PAX5: variants seen among roughly 807,000 people sequenced by gnomAD.
PAX5 encodes the protein paired box 5.
A neutral mutation model predicts 43.7 loss-of-function variants in PAX5; 9 were observed. That is an observed-to-expected ratio of 0.21 (90% CI 0.12 to 0.36). PAX5 has a LOEUF of 0.36. Ranked by LOEUF, PAX5 falls within the 10% of genes least tolerant of loss-of-function variation. PAX5 has a pLI of 1.00. For missense variants in PAX5, 383 were observed against 532.7 expected (o/e 0.72, Z 2.77); for synonymous variants, 228 against 214.3 (o/e 1.06, Z -0.56).
intron 7 of PAX5, among the ~76,000 whole-genome samples, chr9:36,899,159 GCAGAGTCCTGGCAGGCGC>G (rs1828145600): frequency 6.6e-6 from 1 of 152,108 alleles, no homozygotes; most frequent in South Asian, 2.1e-4. Flanking sequence ...AAATGTTGCC[GCAGAGTCCTGGCAGGCGC>G]CAGGCAAATG....
At chr9:36,996,918 A>T (rs778658916) in intron 5 of PAX5, among the ~76,000 whole-genome samples, 2 of 152,162 alleles carry the variant, frequency 1.3e-5, no homozygotes, top group Non-Finnish European at 2.9e-5. Context: ...TGTGTGTGTG[A>T]GAGAGAGTAT....
chr9:36,976,211 T>C (rs73438910), intron 5 of PAX5, among the ~76,000 whole-genome samples: 8 of 152,324 alleles, frequency 5.3e-5, no homozygotes, highest in African/African-American at 1.9e-4. Context: ...TGGCAGCATA[T>C]ACCAAAAAGA....
chr9:36,869,979 GATAA>G (rs59487098), intron 8 of PAX5, among the ~76,000 whole-genome samples: 28 of 72,566 alleles, frequency 3.9e-4, no homozygotes, highest in Non-Finnish European at 4.1e-4. Context: ...TGGATGGATG[GATAA>G]ATGGATGGAT....
At chr9:36,924,941 G>C (rs1401398701) in intron 6 of PAX5, among the ~76,000 whole-genome samples, 1 of 150,602 alleles carries the variant, frequency 6.6e-6, no homozygotes, top group African/African-American at 2.4e-5. Flanking sequence ...CGCTGGCATT[G>C]CTGATGGAGG....
Position 36,917,105 on chromosome 9 carries a change from A to G in PAX5, c.910+6250T>C, listed in dbSNP as rs369021786. Among the ~76,000 whole-genome samples, 8 of 152,316 alleles carry G rather than the reference A, an allele frequency of 5.3e-5. No individual in the cohort carries two copies. The East Asian group carries it at 7.7e-4, about 15-fold the overall frequency. On this transcript the variant is annotated intron_variant, in intron 7 of 9. Coordinates refer to ENST00000358127, the MANE Select transcript of PAX5 (RefSeq NM_016734.3). Reference sequence around the variant, plus strand: ...ATTTTGACTTAGGCCTGGGATGTTTATATTTTTTTCTGCTCTATAATGAGA... The same window carrying G: ...ATTTTGACTTAGGCCTGGGATGTTTGTATTTTTTTCTGCTCTATAATGAGA...
intron 4 of PAX5, among the ~76,000 whole-genome samples, chr9:37,004,404 T>A (rs2132411376): frequency 6.6e-6 from 1 of 152,324 alleles, no homozygotes; most frequent in Non-Finnish European, 1.5e-5. Context: ...CCTTGGGCTA[T>A]AACCAGCTGG....
chr9:37,006,824 T>C (rs1298272760), intron 3 of PAX5, among the ~76,000 whole-genome samples: 1 of 152,214 alleles, frequency 6.6e-6, no homozygotes, highest in East Asian at 1.9e-4. Context: ...AGAAAGAGGA[T>C]GATGTGTTAA....
intron 7 of PAX5, among the ~76,000 whole-genome samples, chr9:36,911,266 A>G (rs1287417838): frequency 1.3e-5 from 2 of 152,222 alleles, no homozygotes; most frequent in South Asian, 2.1e-4. Context: ...GGCCTGGCAC[A>G]GAGCGAGAGC....
At chr9:36,848,805 G>T (rs554836139) in intron 8 of PAX5, among the ~76,000 whole-genome samples, 21 of 152,296 alleles carry the variant, frequency 1.4e-4, no homozygotes, top group Middle Eastern at 3.4e-3. Flanking sequence ...CAGATCTCCA[G>T]CCCCACAAAG....
chr9:36,981,906 G>T (rs910269384), intron 5 of PAX5, among the ~76,000 whole-genome samples: 1 of 152,246 alleles, frequency 6.6e-6, no homozygotes, highest in African/African-American at 2.4e-5. Context: ...TGCACAGTGA[G>T]CACCTCCTAA....
In PAX5 at chr9:37,015,302, C is replaced by A; in HGVS notation, c.213-108G>T. The A allele has an allele frequency of 1.1e-6, 1 of 890,308 alleles. No individual in the cohort carries two copies. Among genetic ancestry groups the A allele is most frequent in the Non-Finnish European group, 1.8e-6 (1 of 558,548 alleles). 55.2% of individuals were successfully genotyped at this position (890,308 alleles called of 1,614,324 possible). On this transcript the variant is annotated intron_variant, in intron 2 of 9. Transcript: ENST00000358127. The surrounding 1 kb of genome is among the most constrained non-coding windows in gnomAD (Gnocchi z 4.4). ...AGGAAACGTCCGGATCTGCACGTTC[C>A]AATACAGTAGCCACCAGCCAGATGC... is the stretch of plus-strand genomic sequence containing the variant.
At chr9:37,009,232 G>T (rs900384548) in intron 3 of PAX5, among the ~76,000 whole-genome samples, 2 of 152,166 alleles carry the variant, frequency 1.3e-5, no homozygotes, top group African/African-American at 4.8e-5. Flanking sequence ...CAGTGTACAG[G>T]CTCTGGAACT....
Position 36,848,085 on chromosome 9 carries a change from G to A in PAX5, c.1013-1156C>T, listed in dbSNP as rs73645890. ...GGTGACAGGAGTTACATAGCCCCAT[G>A]AGCCCACTCGTGGCCCAAGCCTGCC... On this transcript the variant is annotated intron_variant, in intron 8 of 9. Coordinates refer to ENST00000358127, the MANE Select transcript of PAX5 (RefSeq NM_016734.3). 1.8e-3 allele frequency among the ~76,000 whole-genome samples: 279 copies of A among 152,268 alleles called. 1 individual carries two copies. The highest frequency in any genetic ancestry group is 5.9e-3 in the African/African-American group (246 of 41,558).
At chr9:36,966,793 C>T in intron 5 of PAX5, 69 bp from the exon 6 acceptor site, 2 of 1,435,504 alleles carry the variant, frequency 1.4e-6, no homozygotes, top group East Asian at 2.3e-5. Context: ...ACAGGTCAGA[C>T]CCTGAGACTA....
chr9:36,864,799 C>T (rs1293313737), intron 8 of PAX5, among the ~76,000 whole-genome samples: 1 of 152,214 alleles, frequency 6.6e-6, no homozygotes, highest in Non-Finnish European at 1.5e-5. Context: ...CCCTCGGAGC[C>T]CCTCCTGGCT....
At position 37,015,619 on chromosome 9, in the gene PAX5, G is replaced by A. The variant is rs955831897; in HGVS notation, c.213-425C>T. Among the ~76,000 whole-genome samples the A allele has an allele frequency of 2.7e-5, 4 of 146,486 alleles. No homozygotes were observed. The highest frequency in any genetic ancestry group is 1.0e-4 in the African/African-American group (4 of 39,482). ...TTTCAGACGGAGTTTCGCTCTTGTT[G>A]CCCAGGCTGGAATGCAATGGCGTGA... On this transcript the variant is annotated intron_variant, in intron 2 of 9. Coordinates refer to ENST00000358127, the MANE Select transcript of PAX5 (RefSeq NM_016734.3). The surrounding 1 kb of genome is among the most constrained non-coding windows in gnomAD (Gnocchi z 4.4).
chr9:36,849,509 T>C (rs908693638), intron 8 of PAX5, among the ~76,000 whole-genome samples: 1 of 152,196 alleles, frequency 6.6e-6, no homozygotes, highest in East Asian at 1.9e-4. Context: ...GAATAATTAT[T>C]TGTTGAATGA....
intron 6 of PAX5, among the ~76,000 whole-genome samples, chr9:36,928,875 C>G (rs1238963924): frequency 6.6e-6 from 1 of 152,216 alleles, no homozygotes; most frequent in East Asian, 1.9e-4. Context: ...ATTCAAATTC[C>G]TTATCAATCC....
At chr9:37,025,817 CTCTT>C (rs1034438847) in intron 1 of PAX5, among the ~76,000 whole-genome samples, 5 of 152,154 alleles carry the variant, frequency 3.3e-5, no homozygotes, top group Non-Finnish European at 5.9e-5. Flanking sequence ...AATTGGCTTC[CTCTT>C]TCTTTCTTTC....
Sources: allele counts gnomAD v4.1 joint callset (sites outside exome capture counted in the v4.1 genomes callset), GRCh38; gene constraint gnomAD v4.1.1; non-coding constraint Gnocchi (gnomAD v3.1); transcripts MANE v1.5; gene names NCBI Gene and HGNC (gene_info 2026-07-23, HGNC 2026-07-21).